Variants in SDCCAG8 observed in about 807,000 individuals in gnomAD.
SDCCAG8 encodes the protein SHH signaling and ciliogenesis regulator SDCCAG8, also known as serologically defined colon cancer antigen 8.
SDCCAG8 carries 74 observed loss-of-function variants against 101.8 expected under a neutral mutation model. That is an observed-to-expected ratio of 0.73 (90% CI 0.60 to 0.88). The LOEUF is 0.88. Ranked by LOEUF, SDCCAG8 falls within the 40% of genes least tolerant of loss-of-function variation. The pLI is 0.00. For synonymous variants in SDCCAG8, 281 were observed against 292.9 expected (o/e 0.96, Z 0.41); for missense variants, 787 against 822.6 (o/e 0.96, Z 0.53).
rs1406310957 is a variant in SDCCAG8 at position 243,415,745 on chromosome 1, A to C, written c.1660A>C (p.Lys554Gln). 3 of 1,613,750 alleles carry C rather than the reference A, an allele frequency of 1.9e-6. No homozygotes were observed. Among genetic ancestry groups the C allele is most frequent in the African/African-American group, 1.3e-5 (1 of 74,904 alleles). The change falls in exon 14 of 18, where the codon AAG becomes CAG. Residue 554 changes from lysine to glutamine, a missense_variant. Lys to Gln is a moderately conservative substitution (Grantham distance 53, BLOSUM62 1). Transcript: ENST00000366541. ...SIQQSFSKEA[K>Q]AQALQAQQRE... is the part of the protein sequence containing the mutation. ...TCAGCAGAGCTTTAGCAAGGAAGCA[A>C]AGGCCCAAGCCCTTCAGGCCCAGCA...
chr1:243,472,085 A>C (rs1427827142), intron 16 of SDCCAG8, among the ~76,000 whole-genome samples: 1 of 152,162 alleles, frequency 6.6e-6, no homozygotes, highest in Non-Finnish European at 1.5e-5. Flanking sequence ...CTCTTTGGAC[A>C]TTTCAGCTGC....
chr1:243,270,567 ACCT>A (rs2068003331), intron 2 of SDCCAG8, among the ~76,000 whole-genome samples: 1 of 151,826 alleles, frequency 6.6e-6, no homozygotes, highest in African/African-American at 2.4e-5. Context: ...AGTTATAATA[ACCT>A]CCTCTCTATG....
chr1:243,332,174 G>T (rs916991389), intron 10 of SDCCAG8, among the ~76,000 whole-genome samples: 1 of 152,186 alleles, frequency 6.6e-6, no homozygotes, highest in Non-Finnish European at 1.5e-5. Context: ...CTGATGGGTG[G>T]AGCATAGAGA....
intron 17 of SDCCAG8, among the ~76,000 whole-genome samples, chr1:243,492,838 C>T (rs1255136990): frequency 1.3e-5 from 2 of 152,162 alleles, no homozygotes; most frequent in Non-Finnish European, 2.9e-5. Flanking sequence ...AACTCCTGAC[C>T]TCAGGTGATC....
chr1:243,293,346 A>G (rs2070459527), intron 6 of SDCCAG8, 127 bp downstream of exon 6: 2 of 948,864 alleles, frequency 2.1e-6, no homozygotes, highest in African/African-American at 1.6e-5. Flanking sequence ...CGTACAGTTT[A>G]TCTGCATTAA....
intron 13 of SDCCAG8, among the ~76,000 whole-genome samples, chr1:243,413,388 T>C (rs2080322883): frequency 6.6e-6 from 1 of 152,126 alleles, no homozygotes; most frequent in South Asian, 2.1e-4. Context: ...GTATTTTTAG[T>C]AGAGATGGGG....
intron 13 of SDCCAG8, among the ~76,000 whole-genome samples, chr1:243,406,839 A>G (rs2079821281): frequency 6.6e-6 from 1 of 152,140 alleles, no homozygotes; most frequent in African/African-American, 2.4e-5. Flanking sequence ...GTGTCTTTGC[A>G]CAAACTGTCC....
At chr1:243,427,180 A>G (rs1466032483) in intron 16 of SDCCAG8, among the ~76,000 whole-genome samples, 1 of 152,206 alleles carries the variant, frequency 6.6e-6, no homozygotes, top group Non-Finnish European at 1.5e-5. Context: ...AATGTCATCA[A>G]TAATTATTAT....
chr1:243,472,049 C>T (rs1304843593), intron 16 of SDCCAG8, among the ~76,000 whole-genome samples: 6 of 152,202 alleles, frequency 3.9e-5, no homozygotes, highest in South Asian at 4.1e-4. Flanking sequence ...TAGAACAGAT[C>T]TGGTGAGTTT....
intron 12 of SDCCAG8, among the ~76,000 whole-genome samples, chr1:243,364,868 T>TA (rs549022064): frequency 1.2e-3 from 183 of 151,054 alleles, no homozygotes; most frequent in Non-Finnish European, 2.3e-3. Flanking sequence ...AGATGCTGCT[T>TA]AAAAAAAAAG....
At chr1:243,470,433 A>G (rs1162726520) in intron 16 of SDCCAG8, among the ~76,000 whole-genome samples, 2 of 150,666 alleles carry the variant, frequency 1.3e-5, no homozygotes, top group Non-Finnish European at 3.0e-5. Context: ...TAAGTTACAA[A>G]TGGCCAGATT....
At chr1:243,433,738 T>C (rs866819430) in intron 16 of SDCCAG8, among the ~76,000 whole-genome samples, 8 of 152,332 alleles carry the variant, frequency 5.3e-5, no homozygotes, top group Middle Eastern at 3.4e-3. Flanking sequence ...CTTAGAAAAG[T>C]GATCAAGGTG....
chr1:243,485,567 G>A (rs1044403040), intron 16 of SDCCAG8, among the ~76,000 whole-genome samples: 7 of 152,212 alleles, frequency 4.6e-5, no homozygotes, highest in Admixed American at 3.9e-4. Flanking sequence ...CAGAGGGTAG[G>A]CTGGTTTGTG....
chr1:243,323,133 TAA>T (rs1008031575), intron 9 of SDCCAG8, among the ~76,000 whole-genome samples: 13 of 136,952 alleles, frequency 9.5e-5, no homozygotes, highest in Admixed American at 2.2e-4. Context: ...GACTCCATCT[TAA>T]AAAAAAAAAA....
chr1:243,452,300 T>C (rs2083416155), intron 16 of SDCCAG8, among the ~76,000 whole-genome samples: 1 of 152,110 alleles, frequency 6.6e-6, no homozygotes, highest in Non-Finnish European at 1.5e-5. Context: ...GGGTTTTTCG[T>C]CTTCCCCTTT....
intron 16 of SDCCAG8, among the ~76,000 whole-genome samples, chr1:243,433,308 C>T (rs978414480): frequency 1.3e-5 from 2 of 149,802 alleles, no homozygotes; most frequent in African/African-American, 4.9e-5. Context: ...GCCGAGATCG[C>T]GCCACTGCAC....
At chr1:243,303,488 T>G (rs2071754341) in intron 6 of SDCCAG8, among the ~76,000 whole-genome samples, 1 of 152,180 alleles carries the variant, frequency 6.6e-6, no homozygotes, top group Admixed American at 6.5e-5. Flanking sequence ...CTGCCATCCC[T>G]GAGAAGACAA....
chr1:243,436,988 C>T (rs2082176538), intron 16 of SDCCAG8, among the ~76,000 whole-genome samples: 1 of 152,096 alleles, frequency 6.6e-6, no homozygotes, highest in Non-Finnish European at 1.5e-5. Flanking sequence ...AAAATTTCTT[C>T]CATATATCCA....
intron 17 of SDCCAG8, among the ~76,000 whole-genome samples, chr1:243,490,329 G>A (rs113873048): frequency 7.2e-5 from 11 of 152,338 alleles, no homozygotes; most frequent in African/African-American, 2.2e-4. Flanking sequence ...GTGGGGGAGC[G>A]GGCCGCTCAA....
Sources: allele counts gnomAD v4.1 joint callset (sites outside exome capture counted in the v4.1 genomes callset), GRCh38; gene constraint gnomAD v4.1.1; transcripts MANE v1.5; gene names NCBI Gene and HGNC (gene_info 2026-07-23, HGNC 2026-07-21).